THRAP3: variants seen among roughly 807,000 people sequenced by gnomAD.
THRAP3 encodes thyroid hormone receptor associated protein 3.
In THRAP3, 16 loss-of-function variants were observed where a neutral mutation model predicts 101.0. The observed-to-expected ratio is 0.16, with a 90% confidence interval of 0.11 to 0.24. THRAP3 has a LOEUF of 0.24. THRAP3 is among the 10% of genes least tolerant of loss of function. The probability of loss-of-function intolerance (pLI) is 1.00; values close to 1 mark genes in which losing one functional copy is unlikely to be tolerated. For synonymous variants in THRAP3, 407 were observed against 422.6 expected, an observed-to-expected ratio of 0.96 and a Z score of 0.45; for missense variants, 989 against 1,202.7, an observed-to-expected ratio of 0.82 and a Z score of 2.63.
chr1:36,239,095 G>A (rs1406229569), intron 1 of THRAP3, among the ~76,000 whole-genome samples: 3 of 150,464 alleles, frequency 2.0e-5, no homozygotes, highest in South Asian at 2.1e-4. Context: ...AACCACACCC[G>A]GCTAATTTTT....
At chr1:36,247,089 C>A (rs536970488) in intron 1 of THRAP3, among the ~76,000 whole-genome samples, 1 of 151,846 alleles carries the variant, frequency 6.6e-6, no homozygotes, top group African/African-American at 2.4e-5. Flanking sequence ...GAGGCTGAGG[C>A]GGGCGGATCA....
intron 1 of THRAP3, among the ~76,000 whole-genome samples, chr1:36,253,729 G>T (rs1249061250): frequency 7.0e-6 from 1 of 142,642 alleles, no homozygotes; most frequent in Non-Finnish European, 1.5e-5. Context: ...GAATAGCTGG[G>T]ACCACAGGCG....
At chr1:36,270,066 T>C (rs1366612620) in intron 2 of THRAP3, among the ~76,000 whole-genome samples, 1 of 152,142 alleles carries the variant, frequency 6.6e-6, no homozygotes, top group Non-Finnish European at 1.5e-5. Context: ...CTTTCTACTT[T>C]TGTGTATGTT....
chr1:36,220,975 ATATATATAT>A (rs1557797710), upstream of THRAP3, among the ~76,000 whole-genome samples: 2 of 99,358 alleles, frequency 2.0e-5, no homozygotes, highest in African/African-American at 3.9e-5. Context: ...AAAAAAAAAT[ATATATATAT>A]ATATATATAT....
At chr1:36,235,270 A>G (rs2124370533) in intron 1 of THRAP3, among the ~76,000 whole-genome samples, 1 of 152,274 alleles carries the variant, frequency 6.6e-6, no homozygotes, top group East Asian at 1.9e-4. Context: ...GACACCATAG[A>G]TAATAATATT....
At chr1:36,282,012 G>A (rs1265946566) in intron 2 of THRAP3, among the ~76,000 whole-genome samples, 1 of 152,070 alleles carries the variant, frequency 6.6e-6, no homozygotes, top group Admixed American at 6.6e-5. Flanking sequence ...GGCGGAGGTT[G>A]TGGTGAGCTG....
rs1006338192 is a variant in THRAP3 at position 36,237,741 on chromosome 1, A to T, written c.-135+13236A>T. On this transcript the variant is annotated intron_variant, in intron 1 of 11. Coordinates refer to ENST00000354618, the MANE Select transcript of THRAP3 (RefSeq NM_005119.4). ...ACCCAAGATCATGCCACTGCACTTC[A>T]GCCTGGGTGACAAAATGAGACTGTC... Among the ~76,000 whole-genome samples, 13 of 152,160 alleles carry T rather than the reference A, an allele frequency of 8.5e-5. No individual in the cohort carries two copies. The South Asian group carries it at 1.9e-3, about 22-fold the overall frequency.
intron 1 of THRAP3, among the ~76,000 whole-genome samples, chr1:36,249,685 A>AGGTGTGT (rs112896222): frequency 1.4e-5 from 2 of 138,212 alleles, no homozygotes; most frequent in East Asian, 4.3e-4. Context: ...GCAGGTGGTG[A>AGGTGTGT]GTGTGTGTGT....
At chr1:36,262,541 C>T (rs1456210405) in intron 2 of THRAP3, among the ~76,000 whole-genome samples, 1 of 152,132 alleles carries the variant, frequency 6.6e-6, no homozygotes, top group Non-Finnish European at 1.5e-5. Flanking sequence ...CTTATTTCTC[C>T]TACTGTAGTT....
At chr1:36,276,523 CA>C (rs35609256) in intron 2 of THRAP3, among the ~76,000 whole-genome samples, 41,145 of 112,426 alleles carry the variant, frequency 0.37, 6,721 homozygotes, top group East Asian at 0.56. Flanking sequence ...GACTCTGTCT[CA>C]AAAAAAAAAA....
chr1:36,286,322 CT>C lies in THRAP3; in HGVS notation c.138-44del. 1 of 1,509,828 alleles carries C rather than the reference CT, an allele frequency of 6.6e-7. No individual in the cohort carries two copies. The highest frequency in any genetic ancestry group is 8.9e-7 in the Non-Finnish European group (1 of 1,125,462). The allele number at this position is 1,509,828 out of a possible 1,614,324, so 93.5% of individuals were successfully genotyped here. A position where few individuals can be genotyped will look rare whatever the true frequency, so the allele number is the denominator to read the frequency against. ...AACAGATTTTTCTTGAATAAAAATG[CT>C]TGTGTCAAAAATTCAAACATTTGTC... is the stretch of plus-strand genomic sequence containing the variant. On this transcript the variant is annotated intron_variant, in intron 3 of 11. Transcript: ENST00000354618. The surrounding 1 kb of genome is among the most constrained non-coding windows in gnomAD (Gnocchi z 5.5).
intron 9 of THRAP3, among the ~76,000 whole-genome samples, chr1:36,297,073 AC>A (rs1645961381): frequency 6.6e-6 from 1 of 152,204 alleles, no homozygotes; most frequent in Admixed American, 6.5e-5. Flanking sequence ...TTTTAGATGT[AC>A]CTTTTTCATC....
rs1645832176 is a variant in THRAP3 at position 36,289,160 on chromosome 1, A to T, written c.1141A>T (p.Thr381Ser). Residue 381 changes from threonine to serine, a missense_variant, in exon 5 of 12, where the codon ACA (threonine) becomes TCA (serine). By Grantham distance (58) the Thr-to-Ser change is moderately conservative. Transcript: ENST00000354618. ...AAAAGAGAAAGGGAGCTTCTCTGAC[A>T]CAGGCTTGGGTGATGGAAAAATGAA... Reference protein sequence around the residue: ...KIKEKGSFSDTGLGDGKMKSD... With the variant: ...KIKEKGSFSDSGLGDGKMKSD... The T allele has an allele frequency of 6.2e-7, 1 of 1,613,650 alleles. No homozygotes were observed. Among genetic ancestry groups the T allele is most frequent in the African/African-American group, 1.3e-5 (1 of 74,900 alleles).
chr1:36,224,579 C>G (rs1003554172), intron 1 of THRAP3, 74 bp downstream of exon 1: 1 of 152,704 alleles, frequency 6.5e-6, no homozygotes, highest in Non-Finnish European at 1.5e-5. Context: ...TCTTTTTTCC[C>G]CAGCTGCTGG....
rs577828247 is a variant in THRAP3 at position 36,282,637 on chromosome 1, G to A, written c.74G>A (p.Arg25His). 6.1e-5 allele frequency: 98 copies of A among 1,613,988 alleles called. No individual in the cohort carries two copies. Among genetic ancestry groups the A allele is most frequent in the East Asian group, 1.3e-4 (6 of 44,886 alleles). ...RSRSASRSRS[R>H]SFSKSRSRSR... Reference sequence around the variant, plus strand: ...AGATCTGCATCAAGATCTCGTTCTCGTTCATTTTCGAAGTCTCGGTCCCGA... The same window carrying A: ...AGATCTGCATCAAGATCTCGTTCTCATTCATTTTCGAAGTCTCGGTCCCGA... Residue 25 changes from arginine (R) to histidine (H), a missense_variant, in exon 3 of 12, where the codon CGT (arginine) becomes CAT (histidine). Transcript: ENST00000354618.
chr1:36,247,870 C>CTTTTT (rs550667195), intron 1 of THRAP3, among the ~76,000 whole-genome samples: 3 of 128,532 alleles, frequency 2.3e-5, no homozygotes, highest in Non-Finnish European at 3.3e-5. Context: ...CCATCTTCAT[C>CTTTTT]TTTTTTTTTT....
At position 36,270,571 on chromosome 1, in the gene THRAP3, G is replaced by GTTTTTTTTT. The variant is rs532301363; in HGVS notation, c.-32+11092_-32+11093insTTTTTTTTT. Among the ~76,000 whole-genome samples the GTTTTTTTTT allele has an allele frequency of 2.3e-3, 72 of 31,896 alleles. 7 individuals are homozygous for GTTTTTTTTT. The highest frequency in any genetic ancestry group is 4.0e-3 in the Non-Finnish European group (51 of 12,664). The allele number at this position is 31,896 out of a possible 152,430, so 20.9% of individuals were successfully genotyped here. On this transcript the variant is annotated intron_variant, in intron 2 of 11. Coordinates refer to ENST00000354618, the MANE Select transcript of THRAP3 (RefSeq NM_005119.4). ...TAAAAATACAGTTCTATTTGTTTAG[G>GTTTTTTTTT]TTTTTGTTTTTTTTTTTTTTTTTGA...
At chr1:36,295,437 C>G (rs1645933047) in intron 8 of THRAP3, among the ~76,000 whole-genome samples, 1 of 152,136 alleles carries the variant, frequency 6.6e-6, no homozygotes, top group Non-Finnish European at 1.5e-5. Context: ...ACCGAGTTTC[C>G]CAAGAATTGT....
At chr1:36,301,412 GCTGGAAACCAGCTGACCAGCATATGA>G in intron 10 of THRAP3, 115 bp from the exon 11 acceptor site, 1 of 1,139,734 alleles carries the variant, frequency 8.8e-7, no homozygotes, top group Admixed American at 2.8e-5. Context: ...AAAGGGAATG[GCTGGAAACCAGCTGACCAGCATATGA>G]CTGGAAGACA....
Sources: allele counts gnomAD v4.1 joint callset (sites outside exome capture counted in the v4.1 genomes callset), GRCh38; gene constraint gnomAD v4.1.1; non-coding constraint Gnocchi (gnomAD v3.1); transcripts MANE v1.5; gene names NCBI Gene and HGNC (gene_info 2026-07-23, HGNC 2026-07-21).